CTBS: variants seen among roughly 807,000 people sequenced by gnomAD.
The protein encoded by CTBS is di-N-acetylchitobiase.
CTBS carries 35 observed loss-of-function variants against 44.3 expected under a neutral mutation model. The ratio of observed to expected loss-of-function variants is 0.79; its 90% CI spans 0.60 to 1.05. CTBS has a LOEUF of 1.05. Among genes scored for constraint, CTBS ranks in the 50% least tolerant of loss-of-function variants. CTBS has a pLI of 0.00. For synonymous variants in CTBS, 143 were observed against 168.0 expected, an observed-to-expected ratio of 0.85 and a Z score of 1.15; for missense variants, 458 against 475.3, an observed-to-expected ratio of 0.96 and a Z score of 0.34.
At chr1:84,559,824 C>T (rs976066730) in intron 6 of CTBS, among the ~76,000 whole-genome samples, 4 of 152,084 alleles carry the variant, frequency 2.6e-5, no homozygotes, top group African/African-American at 7.2e-5. Flanking sequence ...GTGGCCCATG[C>T]GTGTAATCCC....
intron 3 of CTBS, among the ~76,000 whole-genome samples, chr1:84,567,670 C>T (rs1389360524): frequency 6.6e-6 from 1 of 152,118 alleles, no homozygotes; most frequent in Non-Finnish European, 1.5e-5. Flanking sequence ...AAACTCATTC[C>T]CCCCTCTAGA....
chr1:84,550,461 A>G lies in CTBS; in HGVS notation c.*4538T>C, dbSNP rs747481575. On this transcript the variant is annotated 3_prime_UTR_variant, in exon 7 of 7. Coordinates refer to ENST00000370630, the MANE Select transcript of CTBS (RefSeq NM_004388.3). ...ACCTAATAATCCAGATCACTGAGGT[A>G]CAGCATGCAATTGACCAGCTTAAGA... 2 of 1,563,958 alleles carry G rather than the reference A, an allele frequency of 1.3e-6. No individual in the cohort carries two copies. The highest frequency in any genetic ancestry group is 1.8e-5 in the Admixed American group (1 of 54,826).
Position 84,551,402 on chromosome 1 carries a change from A to AT in CTBS, c.*3596_*3597insA. The AT allele has an allele frequency of 5.1e-6, 3 of 583,092 alleles. No homozygotes were observed. Among genetic ancestry groups the AT allele is most frequent in the Non-Finnish European group, 2.2e-6 (1 of 462,650 alleles). 36.1% of individuals were successfully genotyped at this position (583,092 alleles called of 1,614,324 possible). On this transcript the variant is annotated 3_prime_UTR_variant, in exon 7 of 7. Transcript: ENST00000370630. ...ATAAAATTTAAAAATAAAAAAATAGAATTAGCACTGTCCAACAGAACTTAT... is the reference window on the plus strand; with the variant it reads ...ATAAAATTTAAAAATAAAAAAATAGATATTAGCACTGTCCAACAGAACTTAT...
At position 84,570,590 on chromosome 1, in the gene CTBS, A is replaced by G. The variant is rs1278790935; in HGVS notation, c.308T>C (p.Val103Ala). Residue 103 changes from valine to alanine, a missense_variant, in exon 2 of 7, where the codon GTA becomes GCA. Val to Ala is a moderately conservative substitution (Grantham distance 64). Transcript: ENST00000370630. ...CYAHSKGARV[V>A]LKGDVSLKDI... The stretch of plus-strand genomic sequence containing the variant: ...ATCTGGAAACAACATACCTTTAAGT[A>G]CTACTCTGGCTCCTTTTGAATGAGC... The G allele has an allele frequency of 3.7e-6, 6 of 1,611,624 alleles. No individual in the cohort carries two copies. Among genetic ancestry groups the G allele is most frequent in the Non-Finnish European group, 5.1e-6 (6 of 1,178,708 alleles).
intron 4 of CTBS, among the ~76,000 whole-genome samples, chr1:84,564,972 G>A (rs1277564306): frequency 1.3e-5 from 2 of 152,010 alleles, no homozygotes; most frequent in East Asian, 1.9e-4. Context: ...CCAGGAGGTC[G>A]AGGTTACAGT....
chr1:84,550,967 T>A lies in CTBS; in HGVS notation c.*4032A>T. The stretch of plus-strand genomic sequence containing the variant: ...TTATTTAAATATGAATAATGTGTCT[T>A]CTACTAGATGTTAAGTTTCCTTCCT... On this transcript the variant is annotated 3_prime_UTR_variant, in exon 7 of 7. Transcript: ENST00000370630. 2.0e-6 allele frequency: 2 copies of A among 983,246 alleles called. No homozygotes were observed. Among genetic ancestry groups the A allele is most frequent in the Non-Finnish European group, 2.4e-6 (2 of 828,010 alleles). 60.9% of individuals were successfully genotyped at this position (983,246 alleles called of 1,614,324 possible).
chr1:84,556,290 A>G (rs1006763184), intron 6 of CTBS, among the ~76,000 whole-genome samples: 1 of 152,244 alleles, frequency 6.6e-6, no homozygotes, highest in African/African-American at 2.4e-5. Context: ...GATAAAAAAT[A>G]GAAAGACCTG....
chr1:84,563,685 TA>T, intron 5 of CTBS, 49 bp downstream of exon 5: 4 of 1,130,470 alleles, frequency 3.5e-6, no homozygotes, highest in South Asian at 1.7e-5. Flanking sequence ...AGAGAGACTC[TA>T]AAAAATATAA....
chr1:84,560,130 A>G (rs1040826579), intron 6 of CTBS, among the ~76,000 whole-genome samples: 20 of 139,420 alleles, frequency 1.4e-4, no homozygotes, highest in Admixed American at 2.9e-4. Flanking sequence ...AGAAAGAAAG[A>G]AAGGAAAGAA....
intron 5 of CTBS, 118 bp downstream of exon 5, chr1:84,563,617 A>T: frequency 4.4e-6 from 3 of 688,402 alleles, no homozygotes; most frequent in Non-Finnish European, 6.6e-6. Flanking sequence ...AAAATAAATA[A>T]TTTTTATCTC....
At position 84,553,260 on chromosome 1, in the gene CTBS, TAC is replaced by T; in HGVS notation, c.*1737_*1738del. On this transcript the variant is annotated 3_prime_UTR_variant, in exon 7 of 7. Transcript: ENST00000370630. ...CTTTCTCCACTTTCCATGTGGGTAT[TAC>T]AAAATGTTTCAGGAAATATTAGATG... 1 of 515,176 alleles carries T rather than the reference TAC, an allele frequency of 1.9e-6. No individual in the cohort carries two copies. Among genetic ancestry groups the T allele is most frequent in the Non-Finnish European group, 3.4e-6 (1 of 293,866 alleles). 31.9% of individuals were successfully genotyped at this position (515,176 alleles called of 1,614,324 possible).
rs1684323432 is a variant in CTBS at position 84,552,992 on chromosome 1, G to C, written c.*2007C>G. On this transcript the variant is annotated 3_prime_UTR_variant, in exon 7 of 7. Coordinates refer to ENST00000370630, the MANE Select transcript of CTBS (RefSeq NM_004388.3). The stretch of plus-strand genomic sequence containing the variant: ...TGACAACTATGATGTACTTTTAGAA[G>C]GGTATGATGAAGTTCATTTTTGAAA... 1.6e-6 allele frequency: 2 copies of C among 1,230,470 alleles called. No individual in the cohort carries two copies. The highest frequency in any genetic ancestry group is 5.4e-5 in the Admixed American group (2 of 37,156). 76.2% of individuals were successfully genotyped at this position (1,230,470 alleles called of 1,614,324 possible). A position where few individuals can be genotyped will look rare whatever the true frequency, so the allele number is the denominator to read the frequency against.
chr1:84,569,855 T>A, intron 3 of CTBS, 76 bp downstream of exon 3: 3 of 1,229,400 alleles, frequency 2.4e-6, no homozygotes, highest in Non-Finnish European at 1.2e-6. Context: ...AAAACAAAGA[T>A]TATATTAGTT....
At chr1:84,565,088 G>A (rs1015949774) in intron 4 of CTBS, among the ~76,000 whole-genome samples, 5 of 151,766 alleles carry the variant, frequency 3.3e-5, no homozygotes, top group African/African-American at 9.7e-5. Flanking sequence ...GCATGCACCC[G>A]TAGTCCCAGC....
At chr1:84,556,294 AGAC>A (rs1684427260) in intron 6 of CTBS, among the ~76,000 whole-genome samples, 1 of 152,246 alleles carries the variant, frequency 6.6e-6, no homozygotes, top group Non-Finnish European at 1.5e-5. Context: ...AAAAATAGAA[AGAC>A]CTGTGACTAA....
rs923292302 is a variant in CTBS, at chr1:84,553,025, C to A, written c.*1974G>T. 3 of 1,494,544 alleles carry A rather than the reference C, an allele frequency of 2.0e-6. No individual in the cohort carries two copies. Among genetic ancestry groups the A allele is most frequent in the East Asian group, 5.1e-5 (2 of 39,598 alleles). 92.6% of individuals were successfully genotyped at this position (1,494,544 alleles called of 1,614,324 possible). ...TGAAGTTCATTTTTGAAAAGTAATTCTTTTTATAGATGAGAAAACAAGCAG... is the reference window on the plus strand; with the variant it reads ...TGAAGTTCATTTTTGAAAAGTAATTATTTTTATAGATGAGAAAACAAGCAG... On this transcript the variant is annotated 3_prime_UTR_variant, in exon 7 of 7. Transcript: ENST00000370630.
chr1:84,568,624 A>G (rs897883351), intron 3 of CTBS, among the ~76,000 whole-genome samples: 1 of 152,170 alleles, frequency 6.6e-6, no homozygotes, highest in African/African-American at 2.4e-5. Flanking sequence ...TCTCAGTGAT[A>G]TGGTTTGGAT....
At chr1:84,560,406 T>C (rs577549005) in intron 6 of CTBS, among the ~76,000 whole-genome samples, 1 of 152,308 alleles carries the variant, frequency 6.6e-6, no homozygotes, top group South Asian at 2.1e-4. Context: ...CTCAGTCTGT[T>C]TGCATTAGCT....
In CTBS at chr1:84,553,016, AAAGT is replaced by A. The variant is rs1684324041; in HGVS notation, c.*1979_*1982del. ...AGGGTATGATGAAGTTCATTTTTGA[AAAGT>A]AATTCTTTTTATAGATGAGAAAACA... On this transcript the variant is annotated 3_prime_UTR_variant, in exon 7 of 7. Transcript: ENST00000370630. 1 of 1,469,442 alleles carries A rather than the reference AAAGT, an allele frequency of 6.8e-7. No homozygotes were observed. The allele number at this position is 1,469,442 out of a possible 1,614,324, so 91.0% of individuals were successfully genotyped here.
Sources: allele counts gnomAD v4.1 joint callset (sites outside exome capture counted in the v4.1 genomes callset), GRCh38; gene constraint gnomAD v4.1.1; transcripts MANE v1.5; gene names NCBI Gene and HGNC (gene_info 2026-07-23, HGNC 2026-07-21).